The following CBLN4 variants were observed in gnomAD, a reference collection of about 807,000 sequenced individuals.
CBLN4 encodes cerebellin-4.
Under a neutral mutation model 14.9 loss-of-function variants are expected in CBLN4, and 7 were observed. The observed-to-expected ratio is 0.47, with a 90% CI of 0.27 to 0.88. CBLN4 has a LOEUF of 0.88. Ranked by LOEUF, CBLN4 falls within the 40% of genes least tolerant of loss-of-function variation. CBLN4 has a pLI of 0.14. For missense variants in CBLN4, 188 were observed against 256.8 expected, an observed-to-expected ratio of 0.73 and a Z score of 1.83; for synonymous variants, 131 against 116.5, an observed-to-expected ratio of 1.12 and a Z score of -0.80.
Position 55,997,903 on chromosome 20 carries a change from T to G in CBLN4, c.*654A>C, listed in dbSNP as rs1986304851. On this transcript the variant is annotated 3_prime_UTR_variant, in exon 3 of 3. Transcript: ENST00000064571. ...TTCTTAGAAAATATAACTTGGAAAA[T>G]ATGACTCTTTCACATATACAATTAA... The G allele has an allele frequency of 4.6e-5, 7 of 152,630 alleles. No individual in the cohort carries two copies. The South Asian group carries it at 1.4e-3, about 32-fold the overall frequency. 9.5% of individuals were successfully genotyped at this position (152,630 alleles called of 1,614,324 possible). A position where few individuals can be genotyped will look rare whatever the true frequency, so the allele number is the denominator to read the frequency against.
chr20:56,001,118 T>C (rs1986362461), intron 1 of CBLN4, among the ~76,000 whole-genome samples: 2 of 152,376 alleles, frequency 1.3e-5, no homozygotes, highest in South Asian at 4.1e-4. Flanking sequence ...AAGGTTCTTC[T>C]GTCTTTTAAA....
chr20:56,000,668 A>G (rs1239046938), intron 2 of CBLN4, 63 bp downstream of exon 2: 2 of 693,834 alleles, frequency 2.9e-6, no homozygotes, highest in East Asian at 2.9e-5. Flanking sequence ...ACTTAAATAT[A>G]TAACCCACTA....
At chr20:56,003,284 AGC>A (rs1466559543) in intron 1 of CBLN4, among the ~76,000 whole-genome samples, 1 of 152,196 alleles carries the variant, frequency 6.6e-6, no homozygotes. Context: ...ACTCCGAGGC[AGC>A]GGCAGTGCCA....
At chr20:56,001,554 T>G (rs1353833353) in intron 1 of CBLN4, among the ~76,000 whole-genome samples, 2 of 152,152 alleles carry the variant, frequency 1.3e-5, no homozygotes, top group African/African-American at 4.8e-5. Flanking sequence ...TATAATAATG[T>G]GGCAATGAGT....
At chr20:56,001,880 G>T (rs901561311) in intron 1 of CBLN4, among the ~76,000 whole-genome samples, 2 of 152,090 alleles carry the variant, frequency 1.3e-5, no homozygotes, top group African/African-American at 4.8e-5. Flanking sequence ...TGGGATGGAG[G>T]ATGGATGTTA....
chr20:55,998,484 G>GA lies in CBLN4; in HGVS notation c.*72dup. ...CAATAAAAGACATCAATCCAATGAT[G>GA]AAAAAATGATCTTCCAATAACTCAG... is the stretch of plus-strand genomic sequence containing the variant. On this transcript the variant is annotated 3_prime_UTR_variant, in exon 3 of 3. Transcript: ENST00000064571. The GA allele has an allele frequency of 1.3e-6, 2 of 1,541,378 alleles. No individual in the cohort carries two copies. Among genetic ancestry groups the GA allele is most frequent in the South Asian group, 1.1e-5 (1 of 86,994 alleles).
rs780183162 is a variant in CBLN4 at position 55,998,587 on chromosome 20, C to G, written c.576G>C (p.Thr192=). The G allele has an allele frequency of 1.2e-6, 2 of 1,613,970 alleles. No homozygotes were observed. Among genetic ancestry groups the G allele is most frequent in the Non-Finnish European group, 1.7e-6 (2 of 1,179,980 alleles). Residue 192 remains threonine (T), a synonymous_variant, in exon 3 of 3, where the codon ACG becomes ACC. Transcript: ENST00000064571. ...GGGGGAACACCAGAAAGCCAGAAAA[C>G]GTGGAATACTGCCAGCCTCCAACCA... is the stretch of plus-strand genomic sequence containing the variant. The part of the protein sequence containing the change: ...GNLVGGWQYS[T]FSGFLVFPL
Position 55,998,641 on chromosome 20 carries a change from C to A in CBLN4, c.522G>T (p.Lys174Asn), listed in dbSNP as rs777250197. 1.9e-6 allele frequency: 3 copies of A among 1,614,130 alleles called. No homozygotes were observed. Among genetic ancestry groups the A allele is most frequent in the Non-Finnish European group, 1.7e-6 (2 of 1,179,992 alleles). Reference protein sequence around the residue: ...GVLLYLDKEDKVYLKLEKGNL... With the variant: ...GVLLYLDKEDNVYLKLEKGNL... ...TACCTTTCTCCAGTTTTAGGTAAACCTTATCCTCTTTATCTAGGTAGAGCA... is the reference window on the plus strand; with the variant it reads ...TACCTTTCTCCAGTTTTAGGTAAACATTATCCTCTTTATCTAGGTAGAGCA... Residue 174 changes from lysine (K) to asparagine (N), a missense_variant, in exon 3 of 3, where the codon AAG (lysine) becomes AAT (asparagine). Coordinates refer to ENST00000064571, the MANE Select transcript of CBLN4 (RefSeq NM_080617.6).
Position 56,004,110 on chromosome 20 carries a change from G to C in CBLN4, c.62C>G (p.Pro21Arg), listed in dbSNP as rs772101361. ...VPAVLLVLTL[P>R]GLPVWAQNDT... ...GTTCTGTGCCCAGACGGGCAGCCCCGGCAGCGTGAGGACCAGCAGCACGGC... is the reference window on the plus strand; with the variant it reads ...GTTCTGTGCCCAGACGGGCAGCCCCCGCAGCGTGAGGACCAGCAGCACGGC... The change falls in exon 1 of 3, where the codon CCG (proline) becomes CGG (arginine). Residue 21 changes from proline to arginine, a missense_variant. By Grantham distance (103) the Pro-to-Arg change is moderately radical. Around this residue, in one of 2 missense-constraint regions of CBLN4, gnomAD observed 95 missense variants for 99.2 expected, o/e 0.96. Coordinates refer to ENST00000064571, the MANE Select transcript of CBLN4 (RefSeq NM_080617.6). This position sits in a 1 kb window ranked among gnomAD's most constrained non-coding sequence, Gnocchi z 6.1. The C allele has an allele frequency of 1.2e-6, 2 of 1,603,674 alleles. No individual in the cohort carries two copies. Among genetic ancestry groups the C allele is most frequent in the East Asian group, 4.5e-5 (2 of 44,486 alleles).
Position 55,998,440 on chromosome 20 carries a change from A to G in CBLN4, c.*117T>C, listed in dbSNP as rs1986316310. On this transcript the variant is annotated 3_prime_UTR_variant, in exon 3 of 3. Transcript: ENST00000064571. ...AGACAGGCTAGAATCCTTAGAATCC[A>G]TATCCACCCATGAGAAACCAATAAA... 8 of 1,124,612 alleles carry G rather than the reference A, an allele frequency of 7.1e-6. No individual in the cohort carries two copies. The South Asian group carries it at 9.1e-5, about 13-fold the overall frequency. 69.7% of individuals were successfully genotyped at this position (1,124,612 alleles called of 1,614,324 possible). A position where few individuals can be genotyped will look rare whatever the true frequency, so the allele number is the denominator to read the frequency against.
Position 55,997,640 on chromosome 20 carries a change from T to C in CBLN4, c.*917A>G, listed in dbSNP as rs1986298710. 6.6e-6 allele frequency: 1 copy of C among 150,442 alleles called. No homozygotes were observed. Among genetic ancestry groups the C allele is most frequent in the Non-Finnish European group, 1.5e-5 (1 of 67,604 alleles). 9.3% of individuals were successfully genotyped at this position (150,442 alleles called of 1,614,324 possible). A position where few individuals can be genotyped will look rare whatever the true frequency, so the allele number is the denominator to read the frequency against. ...CAAATACAACAGAAGCCTTGAAAAA[T>C]AGGTATAATTAGAAACAACAGCATC... On this transcript the variant is annotated 3_prime_UTR_variant, in exon 3 of 3. Coordinates refer to ENST00000064571, the MANE Select transcript of CBLN4 (RefSeq NM_080617.6).
At position 55,998,416 on chromosome 20, in the gene CBLN4, G is replaced by A. The variant is rs1986316040; in HGVS notation, c.*141C>T. 3 of 885,502 alleles carry A rather than the reference G, an allele frequency of 3.4e-6. No individual in the cohort carries two copies. Among genetic ancestry groups the A allele is most frequent in the Non-Finnish European group, 5.2e-6 (3 of 579,252 alleles). 54.9% of individuals were successfully genotyped at this position (885,502 alleles called of 1,614,324 possible). A position where few individuals can be genotyped will look rare whatever the true frequency, so the allele number is the denominator to read the frequency against. Reference sequence around the variant, plus strand: ...ATCTGTGAAATTTTGTATTGGTTCAGACAGGCTAGAATCCTTAGAATCCAT... The same window carrying A: ...ATCTGTGAAATTTTGTATTGGTTCAAACAGGCTAGAATCCTTAGAATCCAT... On this transcript the variant is annotated 3_prime_UTR_variant, in exon 3 of 3. Coordinates refer to ENST00000064571, the MANE Select transcript of CBLN4 (RefSeq NM_080617.6).
chr20:56,003,809 G>A, intron 1 of CBLN4, 72 bp downstream of exon 1: 2 of 1,474,864 alleles, frequency 1.4e-6, no homozygotes, highest in South Asian at 1.3e-5. Context: ...GCTTAGCCTG[G>A]GCAGGCAGCC....
At position 56,004,443 on chromosome 20, in the gene CBLN4, G is replaced by T. The variant is rs868856213; in HGVS notation, c.-272C>A. On this transcript the variant is annotated 5_prime_UTR_variant, in exon 1 of 3. Coordinates refer to ENST00000064571, the MANE Select transcript of CBLN4 (RefSeq NM_080617.6). The surrounding 1 kb of genome is among the most constrained non-coding windows in gnomAD (Gnocchi z 6.1). The stretch of plus-strand genomic sequence containing the variant: ...TCTCCTCCGCCCAAGAATCAGCCCT[G>T]CCTGGGGCCCCTGCACCCACTCTGG... 3.0e-4 allele frequency: 121 copies of T among 400,202 alleles called. No individual in the cohort carries two copies. Among genetic ancestry groups the T allele is most frequent in the African/African-American group, 2.3e-3 (108 of 47,828 alleles). 24.8% of individuals were successfully genotyped at this position (400,202 alleles called of 1,614,324 possible).
chr20:56,000,916 C>T, intron 1 of CBLN4, 69 bp from the exon 2 acceptor site: 1 of 696,438 alleles, frequency 1.4e-6, no homozygotes, highest in South Asian at 3.1e-5. Context: ...GAATTTTCTT[C>T]CTCTCACTCT....
chr20:56,002,211 C>T (rs1482371381), intron 1 of CBLN4, among the ~76,000 whole-genome samples: 3 of 152,176 alleles, frequency 2.0e-5, no homozygotes, highest in African/African-American at 7.2e-5. Flanking sequence ...AAGTAAGCAT[C>T]AGATTTTTTT....
chr20:56,003,830 G>A lies in CBLN4; in HGVS notation c.291+51C>T, dbSNP rs200865752. 2.4e-3 allele frequency: 3,671 copies of A among 1,541,218 alleles called. 12 individuals carry two copies. The highest frequency in any genetic ancestry group is 3.2e-3 in the South Asian group (255 of 80,356). On this transcript the variant is annotated intron_variant, in intron 1 of 2. Transcript: ENST00000064571. ...CCTGGGCAGGCAGCCTCGTGCTGAGGTGCCTGGAGACCGCCCACCCCCTAG... is the reference window on the plus strand; with the variant it reads ...CCTGGGCAGGCAGCCTCGTGCTGAGATGCCTGGAGACCGCCCACCCCCTAG...
chr20:55,998,692 A>G lies in CBLN4; in HGVS notation c.471T>C (p.Thr157=), dbSNP rs1315928751. ...GGACACCATTCGTGGCAGCTTCACG[A>G]GTAACATCTTTGTCCCCCGCAAAGG... is the stretch of plus-strand genomic sequence containing the variant. ...ISAFAGDKDV[T]REAATNGVLL... Residue 157 remains threonine (T), a synonymous_variant, in exon 3 of 3, where the codon ACT becomes ACC. Transcript: ENST00000064571. The G allele has an allele frequency of 1.2e-6, 2 of 1,614,158 alleles. No homozygotes were observed. Among genetic ancestry groups the G allele is most frequent in the South Asian group, 2.2e-5 (2 of 91,084 alleles).
chr20:56,004,280 G>A lies in CBLN4; in HGVS notation c.-109C>T. The A allele has an allele frequency of 1.7e-6, 2 of 1,146,460 alleles. No homozygotes were observed. The highest frequency in any genetic ancestry group is 2.0e-5 in the South Asian group (1 of 50,814). 71.0% of individuals were successfully genotyped at this position (1,146,460 alleles called of 1,614,324 possible). The stretch of plus-strand genomic sequence containing the variant: ...AGATGCTAGCGGCTAGGTCGACAGC[G>A]CTGCAGGAGCGACGGCGGCGGCGGC... On this transcript the variant is annotated 5_prime_UTR_variant, in exon 1 of 3. Coordinates refer to ENST00000064571, the MANE Select transcript of CBLN4 (RefSeq NM_080617.6). This position sits in a 1 kb window ranked among gnomAD's most constrained non-coding sequence, Gnocchi z 6.1.
Sources: gnomAD v4.1 joint callset for allele counts (sites outside exome capture counted in the v4.1 genomes callset) on GRCh38, gnomAD v4.1.1 for gene constraint, gnomAD v4.1.1 regional missense constraint, Gnocchi (gnomAD v3.1) non-coding constraint, MANE v1.5 for transcripts, NCBI Gene and HGNC (gene_info 2026-07-23, HGNC 2026-07-21) for gene names.